AGBL1: variants seen among roughly 807,000 people sequenced by gnomAD.
AGBL1 encodes cytosolic carboxypeptidase 4.
A neutral mutation model predicts 118.9 loss-of-function variants in AGBL1; 130 were observed. The observed-to-expected ratio is 1.09, with a 90% CI of 0.95 to 1.26. The LOEUF is 1.26. Among genes scored for constraint, AGBL1 ranks in the 50% most tolerant of loss-of-function variants. The pLI is 0.00. For synonymous variants in AGBL1, 555 were observed against 478.9 expected (o/e 1.16, Z -2.08); for missense variants, 1,584 against 1,298.1 (o/e 1.22, Z -3.38).
chr15:86,777,105 C>A (rs2078268010), intron 22 of AGBL1, among the ~76,000 whole-genome samples: 1 of 151,780 alleles, frequency 6.6e-6, no homozygotes, highest in Non-Finnish European at 1.5e-5. Context: ...TTGTCTTTTT[C>A]CATATGGACA....
chr15:86,639,676 G>A (rs542759019), intron 21 of AGBL1, among the ~76,000 whole-genome samples: 17 of 152,216 alleles, frequency 1.1e-4, no homozygotes, highest in Non-Finnish European at 1.2e-4. Flanking sequence ...GATGACAAAT[G>A]TCCACTGACA....
chr15:86,855,004 C>A (rs1316409093), intron 22 of AGBL1, among the ~76,000 whole-genome samples: 1 of 152,128 alleles, frequency 6.6e-6, no homozygotes, highest in Non-Finnish European at 1.5e-5. Flanking sequence ...ATCTGGCATG[C>A]AGAGGAGATG....
At chr15:86,425,689 ATGTAGT>A (rs1233804968) in intron 18 of AGBL1, among the ~76,000 whole-genome samples, 1 of 152,178 alleles carries the variant, frequency 6.6e-6, no homozygotes, top group Admixed American at 6.5e-5. Flanking sequence ...TGATTTCCAA[ATGTAGT>A]TGATCATCAG....
intron 24 of AGBL1, among the ~76,000 whole-genome samples, chr15:87,006,150 C>T (rs2081499805): frequency 6.6e-6 from 1 of 152,212 alleles, no homozygotes; most frequent in African/African-American, 2.4e-5. Flanking sequence ...CAGGGACCCA[C>T]TTGAGGAGGC....
At chr15:86,535,698 C>G (rs778837664) in intron 19 of AGBL1, among the ~76,000 whole-genome samples, 4 of 152,060 alleles carry the variant, frequency 2.6e-5, no homozygotes, top group Non-Finnish European at 5.9e-5. Context: ...TTTTTAGCTA[C>G]TTAAATGATT....
At chr15:86,738,675 G>C (rs531806873) in intron 22 of AGBL1, among the ~76,000 whole-genome samples, 3 of 152,196 alleles carry the variant, frequency 2.0e-5, no homozygotes, top group African/African-American at 7.2e-5. Context: ...ACATGAAATG[G>C]GGTTCTGAAG....
intron 24 of AGBL1, among the ~76,000 whole-genome samples, chr15:87,025,315 T>G (rs1021974678): frequency 2.0e-5 from 3 of 152,036 alleles, no homozygotes; most frequent in Non-Finnish European, 2.9e-5. Flanking sequence ...CACAAATCAG[T>G]AGCTCTTCTA....
intron 23 of AGBL1, among the ~76,000 whole-genome samples, chr15:86,968,751 A>G (rs2081078627): frequency 1.3e-5 from 2 of 151,898 alleles, no homozygotes; most frequent in African/African-American, 2.4e-5. Context: ...GGTAATTTAT[A>G]CACAAAAGTG....
At chr15:86,189,789 C>T (rs2077690056) in intron 5 of AGBL1, among the ~76,000 whole-genome samples, 2 of 152,156 alleles carry the variant, frequency 1.3e-5, no homozygotes, top group African/African-American at 2.4e-5. Context: ...GTAAATTACC[C>T]AGTCTCACGT....
At chr15:86,723,840 T>A (rs2086774985) in intron 22 of AGBL1, among the ~76,000 whole-genome samples, 1 of 152,008 alleles carries the variant, frequency 6.6e-6, no homozygotes, top group African/African-American at 2.4e-5. Flanking sequence ...GCAGGACCAA[T>A]GCAGTGGGCG....
intron 24 of AGBL1, among the ~76,000 whole-genome samples, chr15:87,010,580 G>A (rs560798750): frequency 6.6e-6 from 1 of 152,292 alleles, no homozygotes; most frequent in African/African-American, 2.4e-5. Flanking sequence ...CACAACTACA[G>A]GTTCTCTGGC....
At chr15:86,930,044 G>A (rs961382262) in intron 23 of AGBL1, among the ~76,000 whole-genome samples, 19 of 152,062 alleles carry the variant, frequency 1.2e-4, no homozygotes, top group African/African-American at 4.1e-4. Flanking sequence ...CTTGCTTGCC[G>A]AAGGAAACAT....
intron 22 of AGBL1, among the ~76,000 whole-genome samples, chr15:86,764,403 T>C (rs941554428): frequency 6.6e-6 from 1 of 151,962 alleles, no homozygotes; most frequent in Admixed American, 6.6e-5. Context: ...AGGAATATGA[T>C]AGGGGTATTG....
intron 22 of AGBL1, among the ~76,000 whole-genome samples, chr15:86,749,011 A>G (rs2077804212): frequency 6.6e-6 from 1 of 152,072 alleles, no homozygotes; most frequent in Non-Finnish European, 1.5e-5. Context: ...TTGGTTCCAT[A>G]TGAACTTTGA....
At chr15:86,806,854 CTATTA>C (rs1325477915) in intron 22 of AGBL1, among the ~76,000 whole-genome samples, 1 of 151,428 alleles carries the variant, frequency 6.6e-6, no homozygotes, top group African/African-American at 2.4e-5. Context: ...TCTTTTACAT[CTATTA>C]TATTCTATTG....
intron 1 of AGBL1, among the ~76,000 whole-genome samples, chr15:86,131,067 C>A (rs1275242331): frequency 2.0e-5 from 3 of 152,148 alleles, no homozygotes; most frequent in African/African-American, 7.2e-5. Context: ...TATGGCAAGA[C>A]CCATACTGGG....
chr15:86,693,332 T>C (rs1371986277), intron 22 of AGBL1, among the ~76,000 whole-genome samples: 1 of 152,196 alleles, frequency 6.6e-6, no homozygotes, highest in Non-Finnish European at 1.5e-5. Context: ...CAGTTTTTAT[T>C]TGCATTTCCC....
intron 22 of AGBL1, among the ~76,000 whole-genome samples, chr15:86,730,993 A>C (rs2077519727): frequency 6.6e-6 from 1 of 151,954 alleles, no homozygotes; most frequent in East Asian, 2.0e-4. Flanking sequence ...ATGCCAAGCT[A>C]ATTTTTTTTA....
chr15:87,025,620 A>G (rs751420343), intron 24 of AGBL1, among the ~76,000 whole-genome samples: 2 of 152,028 alleles, frequency 1.3e-5, no homozygotes, highest in Non-Finnish European at 2.9e-5. Flanking sequence ...AAATACCACC[A>G]TCATTCTTCA....
Sources: gnomAD v4.1 joint callset for allele counts (sites outside exome capture counted in the v4.1 genomes callset) on GRCh38, gnomAD v4.1.1 for gene constraint, MANE v1.5 for transcripts, NCBI Gene and HGNC (gene_info 2026-07-23, HGNC 2026-07-21) for gene names.